DNAJC25: variants seen among roughly 807,000 people sequenced by gnomAD.
The protein encoded by DNAJC25 is DnaJ heat shock protein family (Hsp40) member C25.
DNAJC25 carries 26 observed loss-of-function variants against 42.1 expected under a neutral mutation model. The ratio of observed to expected loss-of-function variants is 0.62; its 90% CI spans 0.45 to 0.86. The LOEUF is 0.86. DNAJC25 is among the 40% of genes least tolerant of loss of function. DNAJC25 has a pLI of 0.00. For synonymous variants in DNAJC25, 189 were observed against 179.9 expected, an observed-to-expected ratio of 1.05 and a Z score of -0.40; for missense variants, 404 against 459.4, an observed-to-expected ratio of 0.88 and a Z score of 1.10.
chr9:111,642,911 CCA>C, intron 1 of DNAJC25: 1 of 471,098 alleles, frequency 2.1e-6, no homozygotes, highest in South Asian at 1.5e-5. Flanking sequence ...AGCAGAAGCA[CCA>C]CAGTTATTCC....
At position 111,631,678 on chromosome 9, in the gene DNAJC25, G is replaced by A; in HGVS notation, c.271G>A (p.Gly91Arg). The A allele has an allele frequency of 6.6e-7, 1 of 1,522,652 alleles. No homozygotes were observed. The highest frequency in any genetic ancestry group is 1.2e-5 in the South Asian group (1 of 83,666). 94.3% of individuals were successfully genotyped at this position (1,522,652 alleles called of 1,614,324 possible). ...GCCCCAGCCCGGAGACGAGGGCCCCGGGCGGACGCCGCAGAGCGCCGAGGA... is the reference window on the plus strand; with the variant it reads ...GCCCCAGCCCGGAGACGAGGGCCCCAGGCGGACGCCGCAGAGCGCCGAGGA... The part of the protein sequence containing the change: ...YRPQPGDEGP[G>R]RTPQSAEEAF... The change falls in exon 1 of 4, where the codon GGG becomes AGG. Residue 91 changes from glycine to arginine, a missense_variant. Coordinates refer to ENST00000313525, the MANE Select transcript of DNAJC25 (RefSeq NM_001015882.3).
Position 111,631,566 on chromosome 9 carries a change from G to A in DNAJC25, c.159G>A (p.Val53=), listed in dbSNP as rs1415557796. 1.7e-5 allele frequency: 24 copies of A among 1,438,102 alleles called. No homozygotes were observed. The Admixed American group carries it at 6.7e-4, about 40-fold the overall frequency. The allele number at this position is 1,438,102 out of a possible 1,614,324, so 89.1% of individuals were successfully genotyped here. Residue 53 remains valine (V), a synonymous_variant, in exon 1 of 4, where the codon GTG becomes GTA. Transcript: ENST00000313525. The part of the protein sequence containing the change: ...LYCGTRDCYE[V]LGVSRSAGKA... ...GCGGCACGCGGGACTGCTACGAGGT[G>A]CTGGGCGTGAGCCGCTCGGCGGGCA...
At chr9:111,641,551 C>G in intron 1 of DNAJC25, among the ~76,000 whole-genome samples, 1 of 117,798 alleles carries the variant, frequency 8.5e-6, no homozygotes, top group Non-Finnish European at 1.7e-5. Flanking sequence ...CCCCGCCCGG[C>G]CAGCCGCCCC....
In DNAJC25 at chr9:111,631,618, C is replaced by A; in HGVS notation, c.211C>A (p.Gln71Lys). 1 of 1,496,848 alleles carries A rather than the reference C, an allele frequency of 6.7e-7. No individual in the cohort carries two copies. The highest frequency in any genetic ancestry group is 2.7e-5 in the East Asian group (1 of 37,060). The allele number at this position is 1,496,848 out of a possible 1,614,324, so 92.7% of individuals were successfully genotyped here. A position where few individuals can be genotyped will look rare whatever the true frequency, so the allele number is the denominator to read the frequency against. Residue 71 changes from glutamine (Q) to lysine (K), a missense_variant, in exon 1 of 4, where the codon CAG becomes AAG. Coordinates refer to ENST00000313525, the MANE Select transcript of DNAJC25 (RefSeq NM_001015882.3). Reference protein sequence around the residue: ...GKAEIARAYRQLARRYHPDRY... With the variant: ...GKAEIARAYRKLARRYHPDRY... ...GGCGGAGATCGCGCGGGCCTACCGCCAGCTGGCCCGGCGCTACCACCCTGA... is the reference window on the plus strand; with the variant it reads ...GGCGGAGATCGCGCGGGCCTACCGCAAGCTGGCCCGGCGCTACCACCCTGA...
intron 1 of DNAJC25, among the ~76,000 whole-genome samples, chr9:111,642,603 C>CAATAAATAAATA (rs200546212): frequency 9.2e-6 from 1 of 109,278 alleles, no homozygotes; most frequent in South Asian, 2.8e-4. Context: ...CAAGAATTAT[C>CAATAAATAAATA]AATAAATAAA....
intron 1 of DNAJC25, among the ~76,000 whole-genome samples, chr9:111,634,355 A>C (rs974022373): frequency 2.0e-5 from 3 of 152,188 alleles, no homozygotes; most frequent in African/African-American, 7.2e-5. Flanking sequence ...GTTGCCAAAG[A>C]ATATGTTTTC....
chr9:111,641,809 G>GT, intron 1 of DNAJC25, among the ~76,000 whole-genome samples: 1 of 134,500 alleles, frequency 7.4e-6, no homozygotes. Context: ...GGGAGGTGGG[G>GT]GGGGTCAGCC....
At chr9:111,651,846 CAA>C (rs370573333) in intron 3 of DNAJC25, among the ~76,000 whole-genome samples, 41 of 92,948 alleles carry the variant, frequency 4.4e-4, no homozygotes, top group Admixed American at 7.6e-4. Context: ...GACCCCATCT[CAA>C]AAAAAAAAAA....
intron 1 of DNAJC25, among the ~76,000 whole-genome samples, chr9:111,636,001 C>T (rs1286512035): frequency 6.6e-6 from 1 of 152,118 alleles, no homozygotes; most frequent in East Asian, 1.9e-4. Flanking sequence ...TGGAGGAGAC[C>T]ATAACAAAGG....
At chr9:111,648,974 G>A (rs1470033709) in intron 2 of DNAJC25, among the ~76,000 whole-genome samples, 1 of 152,118 alleles carries the variant, frequency 6.6e-6, no homozygotes, top group African/African-American at 2.4e-5. Flanking sequence ...TATGCAGATT[G>A]GCTTAGGAAA....
rs372256683 is a variant in DNAJC25, at chr9:111,649,517, G to C, written c.554G>C (p.Arg185Pro). The change falls in exon 3 of 4, where the codon CGT becomes CCT. Residue 185 changes from arginine to proline, a missense_variant. Coordinates refer to ENST00000313525, the MANE Select transcript of DNAJC25 (RefSeq NM_001015882.3). The part of the protein sequence containing the change: ...ISYLATVPKY[R>P]IQATEIAKQQ... ...TACCTAGCCACAGTGCCCAAGTACCGTATCCAAGCTACAGAGATTGCCAAG... is the reference window on the plus strand; with the variant it reads ...TACCTAGCCACAGTGCCCAAGTACCCTATCCAAGCTACAGAGATTGCCAAG... The C allele has an allele frequency of 1.2e-6, 2 of 1,613,354 alleles. No homozygotes were observed. Among genetic ancestry groups the C allele is most frequent in the Non-Finnish European group, 1.7e-6 (2 of 1,179,868 alleles).
chr9:111,644,661 G>T (rs187444793), intron 1 of DNAJC25, among the ~76,000 whole-genome samples: 3 of 152,160 alleles, frequency 2.0e-5, no homozygotes, highest in African/African-American at 7.2e-5. Context: ...GTGGCATTTC[G>T]TTTAAAAGCT....
chr9:111,649,992 T>A (rs562423751), intron 3 of DNAJC25, 69 bp downstream of exon 3: 1 of 1,370,400 alleles, frequency 7.3e-7, no homozygotes, highest in African/African-American at 1.5e-5. Context: ...TGTATTATAA[T>A]GAGGGATCAC....
intron 1 of DNAJC25, among the ~76,000 whole-genome samples, chr9:111,644,649 G>A (rs1012132870): frequency 4.6e-5 from 7 of 152,182 alleles, no homozygotes; most frequent in East Asian, 3.9e-4. Flanking sequence ...TCTGATCTCC[G>A]TGTGGCATTT....
intron 1 of DNAJC25, among the ~76,000 whole-genome samples, chr9:111,639,984 G>C (rs1273676629): frequency 7.0e-6 from 1 of 143,004 alleles, no homozygotes; most frequent in Non-Finnish European, 1.5e-5. Flanking sequence ...CCTCTCATGC[G>C]GAGCCGAAGC....
At chr9:111,650,514 A>G (rs16916262) in intron 3 of DNAJC25, among the ~76,000 whole-genome samples, 4,091 of 152,304 alleles carry the variant, frequency 0.027, 175 homozygotes, top group African/African-American at 0.093. Flanking sequence ...TACAAAAATT[A>G]CTTCGAGGTG....
intron 1 of DNAJC25, among the ~76,000 whole-genome samples, chr9:111,634,589 A>G (rs931818890): frequency 6.6e-6 from 1 of 152,206 alleles, no homozygotes; most frequent in Non-Finnish European, 1.5e-5. Context: ...TGGAATAAAA[A>G]CGGGATGCAG....
At chr9:111,638,147 A>C (rs1479064574) in intron 1 of DNAJC25, among the ~76,000 whole-genome samples, 1 of 152,258 alleles carries the variant, frequency 6.6e-6, no homozygotes, top group Non-Finnish European at 1.5e-5. Flanking sequence ...CTTCAAAAGA[A>C]GATATAATTA....
chr9:111,636,102 T>A (rs1830358946), intron 1 of DNAJC25, among the ~76,000 whole-genome samples: 1 of 152,242 alleles, frequency 6.6e-6, no homozygotes, highest in Admixed American at 6.5e-5. Flanking sequence ...AATACAAGTC[T>A]GTGCAGATTA....
Sources: allele counts gnomAD v4.1 joint callset (sites outside exome capture counted in the v4.1 genomes callset), GRCh38; gene constraint gnomAD v4.1.1; transcripts MANE v1.5; gene names NCBI Gene and HGNC (gene_info 2026-07-23, HGNC 2026-07-21).